The following TOX variants were observed in gnomAD, a reference collection of about 807,000 sequenced individuals.
The protein encoded by TOX is thymocyte selection associated high mobility group box, also known as thymocyte selection-associated high mobility group box protein TOX.
TOX carries 11 observed loss-of-function variants against 53.7 expected under a neutral mutation model. That is an observed-to-expected ratio of 0.20 (90% CI 0.13 to 0.34). TOX has a LOEUF of 0.34. Ranked by LOEUF, TOX falls within the 10% of genes least tolerant of loss-of-function variation. TOX has a pLI of 1.00. For synonymous variants in TOX, 225 were observed against 245.3 expected (o/e 0.92, Z 0.77); for missense variants, 570 against 664.6 (o/e 0.86, Z 1.56).
At chr8:58,999,138 A>G (rs912123453) in intron 1 of TOX, among the ~76,000 whole-genome samples, 7 of 152,244 alleles carry the variant, frequency 4.6e-5, no homozygotes, top group African/African-American at 1.7e-4. Context: ...ACTTCTTCTT[A>G]GTAGCCAGAC....
chr8:59,094,662 A>G lies in TOX; in HGVS notation c.102+24224T>C, dbSNP rs557207309. Reference sequence around the variant, plus strand: ...TAATTCAAATATTTTTAAAATGTAAAGCAGTAATTGTCCTGAGACACAGTG... The same window carrying G: ...TAATTCAAATATTTTTAAAATGTAAGGCAGTAATTGTCCTGAGACACAGTG... On this transcript the variant is annotated intron_variant, in intron 1 of 8. Transcript: ENST00000361421. Among the ~76,000 whole-genome samples the G allele has an allele frequency of 3.9e-5, 6 of 152,244 alleles. No individual in the cohort carries two copies. The East Asian group carries it at 9.6e-4, about 24-fold the overall frequency.
At chr8:59,107,448 T>C (rs1804934590) in intron 1 of TOX, among the ~76,000 whole-genome samples, 1 of 152,200 alleles carries the variant, frequency 6.6e-6, no homozygotes, top group African/African-American at 2.4e-5. Flanking sequence ...AATCTGGTAC[T>C]GTGTCTGTTT....
chr8:59,023,617 A>C (rs1032763859), intron 1 of TOX, among the ~76,000 whole-genome samples: 1 of 152,182 alleles, frequency 6.6e-6, no homozygotes, highest in African/African-American at 2.4e-5. Flanking sequence ...GAAGGTCACT[A>C]AGATTTACCT....
intron 1 of TOX, among the ~76,000 whole-genome samples, chr8:59,094,887 C>T (rs1804688979): frequency 6.6e-6 from 1 of 152,144 alleles, no homozygotes; most frequent in African/African-American, 2.4e-5. Flanking sequence ...AGAGGACACT[C>T]AAATAGCCTT....
intron 1 of TOX, among the ~76,000 whole-genome samples, chr8:59,097,723 C>T (rs1804735974): frequency 6.6e-6 from 1 of 152,126 alleles, no homozygotes; most frequent in African/African-American, 2.4e-5. Flanking sequence ...AGAAAGTCTC[C>T]ATGGTTTCTT....
intron 2 of TOX, among the ~76,000 whole-genome samples, chr8:58,957,610 G>T (rs961682390): frequency 6.6e-6 from 1 of 152,154 alleles, no homozygotes; most frequent in Non-Finnish European, 1.5e-5. Flanking sequence ...TTAGAATTAT[G>T]CTATTTGCTT....
At chr8:59,012,459 C>G (rs946466019) in intron 1 of TOX, among the ~76,000 whole-genome samples, 15 of 151,914 alleles carry the variant, frequency 9.9e-5, no homozygotes, top group African/African-American at 3.6e-4. Context: ...GAGAACCTGA[C>G]CTGACCCCAT....
At chr8:58,975,271 C>A (rs75772182) in intron 1 of TOX, among the ~76,000 whole-genome samples, 1 of 149,020 alleles carries the variant, frequency 6.7e-6, no homozygotes, top group South Asian at 2.1e-4. Flanking sequence ...CACCCCCACA[C>A]AGAGAGAGAG....
chr8:58,910,496 C>T (rs947154014), intron 3 of TOX, among the ~76,000 whole-genome samples: 1 of 152,154 alleles, frequency 6.6e-6, no homozygotes. Context: ...CAATGTTCAA[C>T]CGGCCATGTA....
chr8:58,997,856 G>A (rs1363958462), intron 1 of TOX, among the ~76,000 whole-genome samples: 1 of 151,968 alleles, frequency 6.6e-6, no homozygotes, highest in African/African-American at 2.4e-5. Context: ...GCAGTGGCGC[G>A]ATCTTGGCTC....
intron 3 of TOX, among the ~76,000 whole-genome samples, chr8:58,875,207 T>G (rs977303544): frequency 6.6e-6 from 1 of 152,174 alleles, no homozygotes; most frequent in African/African-American, 2.4e-5. Context: ...ACTAAGGAGA[T>G]TTTTATTACA....
rs189134743 is a variant in TOX at position 58,975,682 on chromosome 8, C to A, written c.103-15674G>T. Among the ~76,000 whole-genome samples the A allele has an allele frequency of 1.2e-4, 18 of 152,248 alleles. No homozygotes were observed. In the East Asian group the frequency reaches 3.3e-3, roughly 28 times the overall value. Reference sequence around the variant, plus strand: ...ACCTGAGCCTTCAGCAAGTCATAATCTTTTTGCTGGTGGAGGGTCTTGCCT... The same window carrying A: ...ACCTGAGCCTTCAGCAAGTCATAATATTTTTGCTGGTGGAGGGTCTTGCCT... On this transcript the variant is annotated intron_variant, in intron 1 of 8. Transcript: ENST00000361421.
At chr8:58,953,119 T>C (rs894987575) in intron 2 of TOX, among the ~76,000 whole-genome samples, 1 of 151,994 alleles carries the variant, frequency 6.6e-6, no homozygotes, top group Admixed American at 6.6e-5. Flanking sequence ...CCAACTAAAA[T>C]AATAATAATA....
At chr8:59,029,107 A>G (rs1442025002) in intron 1 of TOX, among the ~76,000 whole-genome samples, 1 of 152,144 alleles carries the variant, frequency 6.6e-6, no homozygotes. Flanking sequence ...TTTATTTTCA[A>G]AATGAAAACA....
chr8:59,037,556 C>T (rs117130010), intron 1 of TOX, among the ~76,000 whole-genome samples: 1 of 152,122 alleles, frequency 6.6e-6, no homozygotes, highest in African/African-American at 2.4e-5. Flanking sequence ...GTAATCCCAG[C>T]CCTTTGGGAA....
intron 3 of TOX, among the ~76,000 whole-genome samples, chr8:58,907,647 G>C (rs536790888): frequency 5.3e-5 from 8 of 152,106 alleles, no homozygotes; most frequent in Non-Finnish European, 1.2e-4. Flanking sequence ...TTGTTTTCAA[G>C]CATGAAGGCA....
At chr8:58,813,801 C>T (rs1467969353) in intron 7 of TOX, among the ~76,000 whole-genome samples, 2 of 152,138 alleles carry the variant, frequency 1.3e-5, no homozygotes, top group African/African-American at 2.4e-5. Flanking sequence ...TTCTTCATAA[C>T]GACTTTGATT....
intron 4 of TOX, among the ~76,000 whole-genome samples, chr8:58,839,996 G>A (rs1050353056): frequency 6.6e-6 from 1 of 151,920 alleles, no homozygotes; most frequent in Non-Finnish European, 1.5e-5. Flanking sequence ...TGACTAAGAT[G>A]GTATATATTT....
At chr8:59,021,677 C>G (rs1814138912) in intron 1 of TOX, among the ~76,000 whole-genome samples, 1 of 151,702 alleles carries the variant, frequency 6.6e-6, no homozygotes, top group Non-Finnish European at 1.5e-5. Flanking sequence ...AAATAGTTCT[C>G]TAAAACAAGG....
Sources: allele counts gnomAD v4.1 joint callset (sites outside exome capture counted in the v4.1 genomes callset), GRCh38; gene constraint gnomAD v4.1.1; transcripts MANE v1.5; gene names NCBI Gene and HGNC (gene_info 2026-07-23, HGNC 2026-07-21).